FHIP1B: variants seen among roughly 807,000 people sequenced by gnomAD.
FHIP1B encodes the protein FHF complex subunit HOOK interacting protein 1B.
FHIP1B carries 28 observed loss-of-function variants against 82.2 expected under a neutral mutation model. The observed-to-expected ratio is 0.34, with a 90% CI of 0.25 to 0.47. The LOEUF (loss-of-function observed/expected upper bound fraction) is 0.47, where lower values mean the gene tolerates loss of function less well. FHIP1B is among the 20% of genes least tolerant of loss of function. FHIP1B has a pLI of 1.00. For synonymous variants in FHIP1B, 585 were observed against 516.1 expected (o/e 1.13, Z -1.81); for missense variants, 1,110 against 1,262.6 (o/e 0.88, Z 1.83).
rs1056262109 is a variant in FHIP1B, at chr11:6,217,716, C to G, written c.1870G>C (p.Gly624Arg). 13 of 1,610,528 alleles carry G rather than the reference C, an allele frequency of 8.1e-6. No homozygotes were observed. The East Asian group carries it at 2.9e-4, about 36-fold the overall frequency. The change falls in exon 9 of 12, where the codon GGG becomes CGG. Residue 624 changes from glycine to arginine, a missense_variant. Gly to Arg is a moderately radical substitution (Grantham distance 125, BLOSUM62 -2). Around this residue, in one of 6 missense-constraint regions of FHIP1B, gnomAD observed 418 missense variants for 371.4 expected, o/e 1.13. Transcript: ENST00000449352. ...GGGGGCAGGTGACCAGGGCCCTCCCCTGCACCCCCAGCCCGCCCCCTCCTC... is the reference window on the plus strand; with the variant it reads ...GGGGGCAGGTGACCAGGGCCCTCCCGTGCACCCCCAGCCCGCCCCCTCCTC... ...LGRRGRAGGA[G>R]EGPGHLPPPQ...
intron 1 of FHIP1B, among the ~76,000 whole-genome samples, chr11:6,228,933 C>G (rs1223421913): frequency 2.0e-5 from 3 of 152,240 alleles, no homozygotes; most frequent in Non-Finnish European, 2.9e-5. Flanking sequence ...TCCCCTATGG[C>G]TAGCCCCTCT....
intron 1 of FHIP1B, among the ~76,000 whole-genome samples, chr11:6,232,316 A>C (rs1366916256): frequency 6.6e-6 from 1 of 152,238 alleles, no homozygotes; most frequent in Non-Finnish European, 1.5e-5. Flanking sequence ...TCATGATATG[A>C]TCCACTATCA....
intron 11 of FHIP1B, among the ~76,000 whole-genome samples, chr11:6,214,108 G>A (rs1847153702): frequency 6.8e-6 from 1 of 146,100 alleles, no homozygotes; most frequent in South Asian, 2.2e-4. Flanking sequence ...CATCTCTCAA[G>A]GCCCATGTCA....
In FHIP1B at chr11:6,217,860, A is replaced by G; in HGVS notation, c.1726T>C (p.Tyr576His). ...TCAGGAGAGGGCCGCTCGCCATCAT[A>G]GGGGGCAGACCAGGTACGGCAGGCT... is the stretch of plus-strand genomic sequence containing the variant. ...VRACRTWSAP[Y>H]DGERPSPEPS... Residue 576 changes from tyrosine to histidine, a missense_variant, in exon 9 of 12, where the codon TAT (tyrosine) becomes CAT (histidine). By Grantham distance (83) the Tyr-to-His change is moderately conservative (BLOSUM62 2). Around this residue, in one of 6 missense-constraint regions of FHIP1B, gnomAD observed 418 missense variants for 371.4 expected, o/e 1.13. Transcript: ENST00000449352. 1 of 1,613,842 alleles carries G rather than the reference A, an allele frequency of 6.2e-7. No individual in the cohort carries two copies.
intron 1 of FHIP1B, among the ~76,000 whole-genome samples, chr11:6,227,936 T>C (rs897680174): frequency 6.6e-6 from 1 of 152,192 alleles, no homozygotes; most frequent in Non-Finnish European, 1.5e-5. Context: ...TCAAGTAGAA[T>C]GAAGACTAAA....
intron 1 of FHIP1B, among the ~76,000 whole-genome samples, chr11:6,231,134 C>T (rs1350907534): frequency 6.6e-6 from 1 of 152,108 alleles, no homozygotes; most frequent in African/African-American, 2.4e-5. Flanking sequence ...TGAGGGGGAG[C>T]TAAACTAAAG....
chr11:6,227,444 C>T (rs1192500019), intron 1 of FHIP1B, among the ~76,000 whole-genome samples: 1 of 152,160 alleles, frequency 6.6e-6, no homozygotes, highest in Non-Finnish European at 1.5e-5. Flanking sequence ...TGAGAGAAGA[C>T]TCTCATAGGA....
rs1162441085 is a variant in FHIP1B, at chr11:6,224,170, T to C, written c.217A>G (p.Thr73Ala). The C allele has an allele frequency of 6.2e-7, 1 of 1,613,880 alleles. No homozygotes were observed. The highest frequency in any genetic ancestry group is 8.5e-7 in the Non-Finnish European group (1 of 1,179,926). The change falls in exon 3 of 12, where the codon ACT becomes GCT. Residue 73 changes from threonine to alanine, a missense_variant. By Grantham distance (58) the Thr-to-Ala change is moderately conservative. Coordinates refer to ENST00000449352, the MANE Select transcript of FHIP1B (RefSeq NM_001098794.2). ...ADDLSAVRNH[T>A]YQMLTLLAED... is the part of the protein sequence containing the mutation. ...GCCAGCAGTGTCAACATCTGGTAAG[T>C]GTGGTTGCGCACAGCACTGAGATCG...
chr11:6,222,532 G>T lies in FHIP1B; in HGVS notation c.1101C>A (p.Leu367=). 1.2e-6 allele frequency: 2 copies of T among 1,614,126 alleles called. No individual in the cohort carries two copies. The highest frequency in any genetic ancestry group is 2.2e-5 in the South Asian group (2 of 91,064). The part of the protein sequence containing the change: ...FLRSISEPAL[L]RTFLRFLLLH... ...ACAACAGGAATCGCAGGAAGGTACG[G>T]AGCAAAGCAGGCTCTGAGATACTCC... The change falls in exon 6 of 12, where the codon CTC becomes CTA. Residue 367 remains leucine (L), a synonymous_variant. Transcript: ENST00000449352.
chr11:6,222,723 T>G (rs535926912), intron 5 of FHIP1B, 88 bp downstream of exon 5: 2 of 1,548,894 alleles, frequency 1.3e-6, no homozygotes, highest in Non-Finnish European at 1.8e-6. Context: ...GGAGGAGTAC[T>G]CTACCCACCG....
chr11:6,211,937 T>TC, intron 11 of FHIP1B, 70 bp from the exon 12 acceptor site: 18 of 1,480,094 alleles, frequency 1.2e-5, no homozygotes, highest in Non-Finnish European at 1.5e-5. Context: ...GAGGGGAGAT[T>TC]CCCCCACCCC....
At chr11:6,216,773 G>A in intron 9 of FHIP1B, 1 of 470,032 alleles carries the variant, frequency 2.1e-6, no homozygotes, top group South Asian at 2.4e-5. Flanking sequence ...CAGTCTTAGT[G>A]CTAGCAGACA....
intron 7 of FHIP1B, 85 bp from the exon 8 acceptor site, chr11:6,218,848 A>G (rs1847325863): frequency 6.4e-7 from 1 of 1,573,472 alleles, no homozygotes; most frequent in South Asian, 1.1e-5. Flanking sequence ...ATGAAACTGC[A>G]TGGTTAAGCC....
intron 1 of FHIP1B, among the ~76,000 whole-genome samples, chr11:6,227,062 G>C (rs1279787166): frequency 1.3e-5 from 2 of 152,160 alleles, no homozygotes; most frequent in African/African-American, 2.4e-5. Context: ...CCAATCAATA[G>C]CAAGTTCCTT....
chr11:6,223,825 C>A lies in FHIP1B; in HGVS notation c.562G>T (p.Ala188Ser). Reference protein sequence around the residue: ...LLLSQLCVCVAQEPSLLEFFL... With the variant: ...LLLSQLCVCVSQEPSLLEFFL... Reference sequence around the variant, plus strand: ...AACTCGAGCAATGAAGGCTCCTGGGCCACACAAACACACAGCTGGCTGAGA... The same window carrying A: ...AACTCGAGCAATGAAGGCTCCTGGGACACACAAACACACAGCTGGCTGAGA... Residue 188 changes from alanine to serine, a missense_variant, in exon 3 of 12, where the codon GCC becomes TCC. Physicochemically the swap from Ala to Ser is moderately conservative, Grantham distance 99 (BLOSUM62 1). Around this residue, in one of 6 missense-constraint regions of FHIP1B, gnomAD observed 467 missense variants for 602.9 expected, o/e 0.77. Coordinates refer to ENST00000449352, the MANE Select transcript of FHIP1B (RefSeq NM_001098794.2). This position sits in a 1 kb window ranked among gnomAD's most constrained non-coding sequence, Gnocchi z 4.8. 1 of 1,614,216 alleles carries A rather than the reference C, an allele frequency of 6.2e-7. No homozygotes were observed. The highest frequency in any genetic ancestry group is 8.5e-7 in the Non-Finnish European group (1 of 1,180,024).
In FHIP1B at chr11:6,223,479, G is replaced by C; in HGVS notation, c.777+131C>G. 8.0e-7 allele frequency: 1 copy of C among 1,243,402 alleles called. No individual in the cohort carries two copies. Among genetic ancestry groups the C allele is most frequent in the Admixed American group, 2.3e-5 (1 of 43,428 alleles). 77.0% of individuals were successfully genotyped at this position (1,243,402 alleles called of 1,614,324 possible). On this transcript the variant is annotated intron_variant, in intron 3 of 11. Transcript: ENST00000449352. This position sits in a 1 kb window ranked among gnomAD's most constrained non-coding sequence, Gnocchi z 4.8. ...ATCCCCACTACAACTCCAGGGGGCT[G>C]CTTTCAAATCCAGGAACTGTTTCCT...
chr11:6,226,892 C>A (rs1231040248), intron 1 of FHIP1B, among the ~76,000 whole-genome samples: 4 of 152,148 alleles, frequency 2.6e-5, no homozygotes, highest in Non-Finnish European at 5.9e-5. Flanking sequence ...AGATGGATTG[C>A]AGTGGACAAT....
chr11:6,222,996 T>A (rs1212169425), intron 4 of FHIP1B, 84 bp downstream of exon 4: 30 of 1,579,138 alleles, frequency 1.9e-5, no homozygotes, highest in Middle Eastern at 1.7e-4. Flanking sequence ...ACTTCCAAGA[T>A]GGAAAAATGA....
At chr11:6,232,152 A>C (rs565773113) in intron 1 of FHIP1B, among the ~76,000 whole-genome samples, 1 of 152,220 alleles carries the variant, frequency 6.6e-6, no homozygotes, top group Non-Finnish European at 1.5e-5. Context: ...TATGATACAA[A>C]TCAAAATCCA....
Sources: gnomAD v4.1 joint callset for allele counts (sites outside exome capture counted in the v4.1 genomes callset) on GRCh38, gnomAD v4.1.1 for gene constraint, gnomAD v4.1.1 regional missense constraint, Gnocchi (gnomAD v3.1) non-coding constraint, MANE v1.5 for transcripts, NCBI Gene and HGNC (gene_info 2026-07-23, HGNC 2026-07-21) for gene names.